Variants in DOCK3 observed in about 807,000 individuals in gnomAD.
The protein encoded by DOCK3 is dedicator of cytokinesis protein 3.
Under a neutral mutation model 265.6 loss-of-function variants are expected in DOCK3, and 60 were observed. That is an observed-to-expected ratio of 0.23 (90% CI 0.18 to 0.28). DOCK3 has a LOEUF of 0.28. Ranked by LOEUF, DOCK3 falls within the 10% of genes least tolerant of loss-of-function variation. DOCK3 has a pLI of 1.00. For synonymous variants in DOCK3, 881 were observed against 938.0 expected, an observed-to-expected ratio of 0.94 and a Z score of 1.11; for missense variants, 1,981 against 2,594.3, an observed-to-expected ratio of 0.76 and a Z score of 5.14.
In DOCK3 at chr3:51,055,363, CCT is replaced by C. The variant is rs1488025845; in HGVS notation, c.316-9084_316-9083del. 2.0e-5 allele frequency among the ~76,000 whole-genome samples: 3 copies of C among 152,280 alleles called. No individual in the cohort carries two copies. In the East Asian group the frequency reaches 5.8e-4, roughly 29 times the overall value. On this transcript the variant is annotated intron_variant, in intron 5 of 52. Coordinates refer to ENST00000266037, the MANE Select transcript of DOCK3 (RefSeq NM_004947.5). ...AGGCTTGCATCTTACTGATTTCTTCCCTGTTTCCCACCCTCCTCACTTGTCTT... is the reference window on the plus strand; with the variant it reads ...AGGCTTGCATCTTACTGATTTCTTCCGTTTCCCACCCTCCTCACTTGTCTT...
intron 19 of DOCK3, among the ~76,000 whole-genome samples, chr3:51,233,602 A>C (rs868450221): frequency 1.3e-5 from 2 of 151,920 alleles, no homozygotes; most frequent in African/African-American, 4.8e-5. Context: ...CTCCTGACCT[A>C]AAGTGATCCT....
chr3:51,155,107 G>A (rs567632627), intron 10 of DOCK3, among the ~76,000 whole-genome samples: 1 of 152,126 alleles, frequency 6.6e-6, no homozygotes, highest in Non-Finnish European at 1.5e-5. Flanking sequence ...GGTCTCCTGA[G>A]TAGTGGGGCT....
chr3:51,263,014 G>A (rs2079944993), intron 23 of DOCK3, among the ~76,000 whole-genome samples: 1 of 152,196 alleles, frequency 6.6e-6, no homozygotes, highest in Admixed American at 6.5e-5. Context: ...TTATCCAGGA[G>A]AACTTCCTCA....
intron 5 of DOCK3, among the ~76,000 whole-genome samples, chr3:51,054,907 GTCTGTTTCC>G (rs1380671927): frequency 3.9e-5 from 6 of 151,914 alleles, no homozygotes; most frequent in Non-Finnish European, 1.5e-5. Context: ...TTGTCATTGT[GTCTGTTTCC>G]TCCAATATCT....
chr3:51,379,985 G>C (rs2088488982), intron 51 of DOCK3, 140 bp from the exon 52 acceptor site: 1 of 640,868 alleles, frequency 1.6e-6, no homozygotes. Context: ...AGTGTAAAGA[G>C]AGGTTTATCC....
At chr3:50,715,117 T>A (rs2037018910) in intron 1 of DOCK3, among the ~76,000 whole-genome samples, 1 of 152,272 alleles carries the variant, frequency 6.6e-6, no homozygotes, top group South Asian at 2.1e-4. Context: ...TCTCCAGACC[T>A]GGCATCTTGC....
At chr3:50,936,470 C>G (rs946107054) in intron 5 of DOCK3, among the ~76,000 whole-genome samples, 1 of 151,658 alleles carries the variant, frequency 6.6e-6, no homozygotes, top group Admixed American at 6.6e-5. Context: ...TTAGTGAACT[C>G]CAAATGGGAA....
chr3:51,339,354 C>T (rs2085084231), intron 37 of DOCK3, among the ~76,000 whole-genome samples: 1 of 152,206 alleles, frequency 6.6e-6, no homozygotes, highest in East Asian at 1.9e-4. Flanking sequence ...ATCCTGAGCT[C>T]ACTGTCACTC....
rs767597461 is a variant in DOCK3, at chr3:51,071,126, T to C, written c.465-4230T>C. Among the ~76,000 whole-genome samples the C allele has an allele frequency of 9.2e-5, 14 of 152,182 alleles. No individual in the cohort carries two copies. In the East Asian group the frequency reaches 2.5e-3, roughly 27 times the overall value. On this transcript the variant is annotated intron_variant, in intron 6 of 52. Transcript: ENST00000266037. ...GAAAGGAAAAAGATAAAATAGAACATAGAATAGAGAGTATAGAGCATTTAA... is the reference window on the plus strand; with the variant it reads ...GAAAGGAAAAAGATAAAATAGAACACAGAATAGAGAGTATAGAGCATTTAA...
intron 1 of DOCK3, among the ~76,000 whole-genome samples, chr3:50,738,414 G>C (rs1254918976): frequency 6.6e-6 from 1 of 152,224 alleles, no homozygotes; most frequent in Non-Finnish European, 1.5e-5. Flanking sequence ...GAGTCCATGG[G>C]AGCTGACCTA....
intron 12 of DOCK3, among the ~76,000 whole-genome samples, chr3:51,194,479 C>A (rs930693784): frequency 6.6e-6 from 1 of 152,172 alleles, no homozygotes; most frequent in Non-Finnish European, 1.5e-5. Context: ...TCTAGATTAT[C>A]TGTGTAATGC....
intron 2 of DOCK3, among the ~76,000 whole-genome samples, chr3:50,819,368 A>G (rs951467376): frequency 6.6e-6 from 1 of 152,220 alleles, no homozygotes; most frequent in Non-Finnish European, 1.5e-5. Flanking sequence ...CAAGCTGGAG[A>G]GTATAAATCT....
At chr3:51,107,719 T>A (rs1399228556) in intron 9 of DOCK3, among the ~76,000 whole-genome samples, 2 of 152,308 alleles carry the variant, frequency 1.3e-5, no homozygotes, top group South Asian at 2.1e-4. Flanking sequence ...CTCACTGGCA[T>A]CCCTGAAAGA....
In DOCK3 at chr3:51,384,114, A is replaced by C. The variant is rs1485330816; in HGVS notation, c.*2555A>C. On this transcript the variant is annotated 3_prime_UTR_variant, in exon 53 of 53. Coordinates refer to ENST00000266037, the MANE Select transcript of DOCK3 (RefSeq NM_004947.5). ...ACAAGTAATGTGAATTTTAGATGTA[A>C]ATATCTGCCACTTGATTTTTTTTCC... 2 of 152,610 alleles carry C rather than the reference A, an allele frequency of 1.3e-5. No individual in the cohort carries two copies. Among genetic ancestry groups the C allele is most frequent in the African/African-American group, 4.8e-5 (2 of 41,452 alleles). The allele number at this position is 152,610 out of a possible 1,614,324, so 9.5% of individuals were successfully genotyped here.
Position 51,294,538 on chromosome 3 carries a change from C to T in DOCK3, c.2922+14334C>T, listed in dbSNP as rs151220127. On this transcript the variant is annotated intron_variant, in intron 27 of 52. Coordinates refer to ENST00000266037, the MANE Select transcript of DOCK3 (RefSeq NM_004947.5). ...CTAAAAATACAAAAAAATAGCCAGG[C>T]GTGGTGGCAGGTACCTGTAGTCCCA... 1.8e-3 allele frequency among the ~76,000 whole-genome samples: 278 copies of T among 152,054 alleles called. 1 individual carries two copies. Among genetic ancestry groups the T allele is most frequent in the African/African-American group, 6.4e-3 (266 of 41,496 alleles).
intron 7 of DOCK3, among the ~76,000 whole-genome samples, chr3:51,079,994 G>T (rs2082173397): frequency 6.6e-6 from 1 of 152,128 alleles, no homozygotes; most frequent in Admixed American, 6.5e-5. Context: ...ATTTTTAATA[G>T]CTCAATGTTT....
At chr3:50,849,415 CAT>C (rs1171056701) in intron 3 of DOCK3, among the ~76,000 whole-genome samples, 1 of 151,624 alleles carries the variant, frequency 6.6e-6, no homozygotes, top group East Asian at 1.9e-4. Context: ...TACACACACA[CAT>C]ATATATATGG....
intron 5 of DOCK3, among the ~76,000 whole-genome samples, chr3:50,958,138 G>A (rs984239414): frequency 7.9e-5 from 12 of 151,916 alleles, no homozygotes; most frequent in Admixed American, 4.6e-4. Flanking sequence ...TCACCTCCTC[G>A]GATAAGATTT....
chr3:50,971,775 C>G (rs2077243572), intron 5 of DOCK3, among the ~76,000 whole-genome samples: 1 of 152,170 alleles, frequency 6.6e-6, no homozygotes, highest in African/African-American at 2.4e-5. Flanking sequence ...GCCTTAGATC[C>G]CTGCTCAGTA....
Sources: gnomAD v4.1 joint callset for allele counts (sites outside exome capture counted in the v4.1 genomes callset) on GRCh38, gnomAD v4.1.1 for gene constraint, MANE v1.5 for transcripts, NCBI Gene and HGNC (gene_info 2026-07-23, HGNC 2026-07-21) for gene names.